FAR1: variants seen among roughly 807,000 people sequenced by gnomAD.
FAR1 encodes the protein fatty acyl-CoA reductase 1, also known as male sterility domain-containing protein 2.
Under a neutral mutation model 61.1 loss-of-function variants are expected in FAR1, and 22 were observed. The ratio of observed to expected loss-of-function variants is 0.36; its 90% CI spans 0.26 to 0.51. The LOEUF (loss-of-function observed/expected upper bound fraction) is 0.51, where lower values mean the gene tolerates loss of function less well. Ranked by LOEUF, FAR1 falls within the 20% of genes least tolerant of loss-of-function variation. The pLI is 0.95. For missense variants in FAR1, 359 were observed against 626.9 expected (o/e 0.57, Z 4.56); for synonymous variants, 206 against 209.7 (o/e 0.98, Z 0.15).
At chr11:13,719,383 A>G (rs1459501904) in intron 9 of FAR1, among the ~76,000 whole-genome samples, 3 of 152,292 alleles carry the variant, frequency 2.0e-5, no homozygotes, top group East Asian at 1.9e-4. Flanking sequence ...ATAATTTATA[A>G]TATTTCATTT....
chr11:13,724,411 G>A (rs914476315), intron 10 of FAR1, among the ~76,000 whole-genome samples: 3 of 151,918 alleles, frequency 2.0e-5, no homozygotes, highest in African/African-American at 4.8e-5. Flanking sequence ...TTAGCCAGGC[G>A]TGGTGGCGCA....
chr11:13,692,359 C>T (rs1164755629), intron 1 of FAR1, among the ~76,000 whole-genome samples: 1 of 152,170 alleles, frequency 6.6e-6, no homozygotes, highest in Non-Finnish European at 1.5e-5. Context: ...CCTGTGTCAA[C>T]TTGTTTGAGA....
intron 1 of FAR1, among the ~76,000 whole-genome samples, chr11:13,692,440 CT>C (rs768567021): frequency 6.6e-6 from 1 of 152,068 alleles, no homozygotes; most frequent in African/African-American, 2.4e-5. Context: ...TTCTGTTTAA[CT>C]TTTTAAGGAA....
At chr11:13,727,301 T>G (rs577371225) in intron 10 of FAR1, among the ~76,000 whole-genome samples, 82 of 152,004 alleles carry the variant, frequency 5.4e-4, no homozygotes, top group Admixed American at 2.6e-3. Flanking sequence ...TCTTCTTATA[T>G]TTAACCTACT....
intron 1 of FAR1, among the ~76,000 whole-genome samples, chr11:13,687,063 T>C (rs1209624045): frequency 6.6e-6 from 1 of 152,210 alleles, no homozygotes; most frequent in Admixed American, 6.5e-5. Context: ...TAAATATATC[T>C]TAAGTAGCTT....
At chr11:13,693,463 C>T (rs1402122694) in intron 1 of FAR1, among the ~76,000 whole-genome samples, 1 of 152,162 alleles carries the variant, frequency 6.6e-6, no homozygotes, top group South Asian at 2.1e-4. Context: ...CTCTTTTGTC[C>T]CTAGTACCCA....
intron 9 of FAR1, among the ~76,000 whole-genome samples, chr11:13,716,804 A>T (rs1848562218): frequency 1.3e-5 from 2 of 152,082 alleles, no homozygotes; most frequent in Non-Finnish European, 2.9e-5. Flanking sequence ...CACATTTTTT[A>T]AAAATACTTC....
chr11:13,715,563 G>A (rs1438526295), intron 9 of FAR1, among the ~76,000 whole-genome samples: 1 of 152,064 alleles, frequency 6.6e-6, no homozygotes, highest in Admixed American at 6.6e-5. Flanking sequence ...TGCCCATTCA[G>A]CTTATAATAT....
chr11:13,697,175 C>T (rs1384686669), intron 2 of FAR1, among the ~76,000 whole-genome samples: 1 of 152,042 alleles, frequency 6.6e-6, no homozygotes, highest in Non-Finnish European at 1.5e-5. Flanking sequence ...AATAATTGAT[C>T]ATGGCCTGTC....
intron 8 of FAR1, among the ~76,000 whole-genome samples, chr11:13,713,404 G>C (rs12797900): frequency 6.6e-6 from 1 of 152,078 alleles, no homozygotes; most frequent in Non-Finnish European, 1.5e-5. Flanking sequence ...CTTCTTACAA[G>C]AGGTGGTATA....
At chr11:13,682,846 A>G (rs528459945) in intron 1 of FAR1, among the ~76,000 whole-genome samples, 1 of 151,912 alleles carries the variant, frequency 6.6e-6, no homozygotes. Context: ...TCACGGGCTC[A>G]AGCAATCTGC....
At chr11:13,714,031 C>T (rs1848530050) in intron 8 of FAR1, among the ~76,000 whole-genome samples, 1 of 152,046 alleles carries the variant, frequency 6.6e-6, no homozygotes. Context: ...GTTGACATTA[C>T]ATAGCCTATA....
chr11:13,715,304 TGG>T (rs1159143788), intron 9 of FAR1, among the ~76,000 whole-genome samples: 1 of 152,182 alleles, frequency 6.6e-6, no homozygotes, highest in Non-Finnish European at 1.5e-5. Context: ...TGGAGATCTT[TGG>T]GGACACTAAC....
In FAR1 at chr11:13,729,038, C is replaced by T. The variant is rs1402907413; in HGVS notation, c.*264C>T. ...TTGAGCCCTAGAAGAAAGGGGTGTG[C>T]TGAGGACAAGAGTGGGGAAATAGGA... On this transcript the variant is annotated 3_prime_UTR_variant, in exon 12 of 12. Transcript: ENST00000354817. 3.3e-6 allele frequency: 1 copy of T among 304,994 alleles called. No individual in the cohort carries two copies. The highest frequency in any genetic ancestry group is 6.3e-6 in the Non-Finnish European group (1 of 159,884). 18.9% of individuals were successfully genotyped at this position (304,994 alleles called of 1,614,324 possible).
rs138050103 is a variant in FAR1 at position 13,731,693 on chromosome 11, T to A, written c.*2919T>A. The A allele has an allele frequency of 7.2e-5, 11 of 152,236 alleles. No individual in the cohort carries two copies. The highest frequency in any genetic ancestry group is 2.6e-4 in the African/African-American group (11 of 41,532). 9.4% of individuals were successfully genotyped at this position (152,236 alleles called of 1,614,324 possible). On this transcript the variant is annotated 3_prime_UTR_variant, in exon 12 of 12. Coordinates refer to ENST00000354817, the MANE Select transcript of FAR1 (RefSeq NM_032228.6). ...AATACAGGCAGGATGACACTTTGTG[T>A]TAAAGTGTTATTTTTATGTATTACC...
At chr11:13,698,382 A>G (rs906803331) in intron 2 of FAR1, among the ~76,000 whole-genome samples, 1 of 152,214 alleles carries the variant, frequency 6.6e-6, no homozygotes, top group Non-Finnish European at 1.5e-5. Context: ...AAATGACTAC[A>G]TCCTGAATGT....
chr11:13,700,651 C>CTCT lies in FAR1; in HGVS notation c.365+169_365+171dup, dbSNP rs35975531. ...TGTCCTACAGAGTGTTAAAAGAATT[C>CTCT]TCTTCTTCTTCTCAGTTTAAAAATC... On this transcript the variant is annotated intron_variant, in intron 3 of 11. Coordinates refer to ENST00000354817, the MANE Select transcript of FAR1 (RefSeq NM_032228.6). The CTCT allele has an allele frequency of 0.52, 193,113 of 368,842 alleles. 52,201 individuals are homozygous for CTCT. The highest frequency in any genetic ancestry group is 0.55 in the African/African-American group (26,251 of 47,548). The allele number at this position is 368,842 out of a possible 1,614,324, so 22.8% of individuals were successfully genotyped here. A position where few individuals can be genotyped will look rare whatever the true frequency, so the allele number is the denominator to read the frequency against.
At position 13,732,145 on chromosome 11, in the gene FAR1, T is replaced by C. The variant is rs1486359812; in HGVS notation, c.*3371T>C. 6.6e-6 allele frequency: 1 copy of C among 152,188 alleles called. No individual in the cohort carries two copies. Among genetic ancestry groups the C allele is most frequent in the African/African-American group, 2.4e-5 (1 of 41,434 alleles). 9.4% of individuals were successfully genotyped at this position (152,188 alleles called of 1,614,324 possible). On this transcript the variant is annotated 3_prime_UTR_variant, in exon 12 of 12. Coordinates refer to ENST00000354817, the MANE Select transcript of FAR1 (RefSeq NM_032228.6). The stretch of plus-strand genomic sequence containing the variant: ...TGTGATAAAAAAAAAAAATGAAATA[T>C]TTTCTTATTGAATTAATATTTTTGT...
In FAR1 at chr11:13,721,887, AG is replaced by A. The variant is rs764413107; in HGVS notation, c.1257+29del. On this transcript the variant is annotated intron_variant, in intron 10 of 11. Transcript: ENST00000354817. The surrounding 1 kb of genome is among the most constrained non-coding windows in gnomAD (Gnocchi z 4.2). ...AAGCAAGTATTTTCTGTTTTATATTAGAAAATAAGTAGCATACTAATTACAG... is the reference window on the plus strand; with the variant it reads ...AAGCAAGTATTTTCTGTTTTATATTAAAAATAAGTAGCATACTAATTACAG... 3 of 1,563,212 alleles carry A rather than the reference AG, an allele frequency of 1.9e-6. No individual in the cohort carries two copies. Among genetic ancestry groups the A allele is most frequent in the Middle Eastern group, 1.7e-4 (1 of 5,908 alleles).
Sources: gnomAD v4.1 joint callset for allele counts (sites outside exome capture counted in the v4.1 genomes callset) on GRCh38, gnomAD v4.1.1 for gene constraint, Gnocchi (gnomAD v3.1) non-coding constraint, MANE v1.5 for transcripts, NCBI Gene and HGNC (gene_info 2026-07-23, HGNC 2026-07-21) for gene names.